Variants in RIN2 observed in about 807,000 individuals in gnomAD.
The protein encoded by RIN2 is RAB5 interacting protein 2.
A neutral mutation model predicts 78.0 loss-of-function variants in RIN2; 36 were observed. The ratio of observed to expected loss-of-function variants is 0.46; its 90% CI spans 0.35 to 0.61. The LOEUF is 0.61. RIN2 is among the 20% of genes least tolerant of loss of function. The pLI, the probability that RIN2 is intolerant of heterozygous loss-of-function variation, is 0.00. For synonymous variants in RIN2, 466 were observed against 466.8 expected (o/e 1.00, Z 0.02); for missense variants, 1,087 against 1,159.7 (o/e 0.94, Z 0.91).
intron 3 of RIN2, among the ~76,000 whole-genome samples, chr20:19,907,632 G>A (rs543928615): frequency 1.3e-5 from 2 of 152,366 alleles, no homozygotes; most frequent in African/African-American, 4.8e-5. Context: ...GGGTGGAGGT[G>A]GGTCTGGGAA....
At chr20:19,852,539 G>T (rs148174133) in intron 2 of RIN2, among the ~76,000 whole-genome samples, 1 of 152,144 alleles carries the variant, frequency 6.6e-6, no homozygotes, top group African/African-American at 2.4e-5. Flanking sequence ...GATCCTAAAG[G>T]CTTGAATTAT....
chr20:19,779,810 G>A (rs2034437001), intron 1 of RIN2, among the ~76,000 whole-genome samples: 1 of 152,184 alleles, frequency 6.6e-6, no homozygotes, highest in East Asian at 1.9e-4. Flanking sequence ...GAGTTAGTGC[G>A]ATGGATGTGG....
At chr20:19,962,794 T>A (rs1351990651) in intron 6 of RIN2, among the ~76,000 whole-genome samples, 3 of 152,162 alleles carry the variant, frequency 2.0e-5, no homozygotes, top group Non-Finnish European at 4.4e-5. Flanking sequence ...CCGTCTCTAC[T>A]GAAAACACAA....
chr20:19,849,962 T>C (rs2036909365), intron 2 of RIN2, among the ~76,000 whole-genome samples: 1 of 152,150 alleles, frequency 6.6e-6, no homozygotes, highest in African/African-American at 2.4e-5. Flanking sequence ...AACAAGTTCC[T>C]TTCTCCTGAA....
chr20:19,957,398 C>A (rs115886344), intron 5 of RIN2, among the ~76,000 whole-genome samples: 8 of 152,190 alleles, frequency 5.3e-5, no homozygotes, highest in Admixed American at 6.5e-5. Flanking sequence ...TGACTGGAGC[C>A]GGGCACGGTG....
At chr20:19,913,606 T>C (rs2039566065) in intron 3 of RIN2, among the ~76,000 whole-genome samples, 1 of 152,226 alleles carries the variant, frequency 6.6e-6, no homozygotes, top group African/African-American at 2.4e-5. Context: ...CCTCAACCCC[T>C]GGTAACTACC....
intron 1 of RIN2, among the ~76,000 whole-genome samples, chr20:19,783,188 A>T (rs1007665121): frequency 6.6e-5 from 10 of 152,236 alleles, no homozygotes; most frequent in Admixed American, 2.0e-4. Flanking sequence ...TTAGAGTTGT[A>T]ACTGGAAAAA....
chr20:19,981,268 G>A (rs1244014231), intron 9 of RIN2, among the ~76,000 whole-genome samples: 1 of 152,166 alleles, frequency 6.6e-6, no homozygotes, highest in Non-Finnish European at 1.5e-5. Flanking sequence ...GTGGCGGGAA[G>A]GTGACCTCAG....
chr20:19,856,237 C>T (rs1028171430), intron 2 of RIN2, among the ~76,000 whole-genome samples: 1 of 152,098 alleles, frequency 6.6e-6, no homozygotes, highest in African/African-American at 2.4e-5. Context: ...TGACGACATT[C>T]TGTGTCTAAA....
At chr20:19,916,338 G>T (rs572778470) in intron 3 of RIN2, among the ~76,000 whole-genome samples, 1 of 152,246 alleles carries the variant, frequency 6.6e-6, no homozygotes, top group Non-Finnish European at 1.5e-5. Flanking sequence ...GAGTTTGGGG[G>T]CTGGGTGTAG....
At chr20:19,924,167 A>C (rs1009652700) in intron 3 of RIN2, among the ~76,000 whole-genome samples, 16 of 38,266 alleles carry the variant, frequency 4.2e-4, no homozygotes, top group East Asian at 9.2e-4. Flanking sequence ...TTATACCCCC[A>C]CCTTCATACC....
intron 2 of RIN2, among the ~76,000 whole-genome samples, chr20:19,849,973 C>A (rs2036909708): frequency 6.6e-6 from 1 of 152,092 alleles, no homozygotes; most frequent in Non-Finnish European, 1.5e-5. Flanking sequence ...TTCTCCTGAA[C>A]CTCCTCCTAT....
intron 4 of RIN2, chr20:19,935,657 C>T (rs553400172): frequency 1.2e-4 from 118 of 977,818 alleles, no homozygotes; most frequent in African/African-American, 9.1e-4. Context: ...CCTGAAAAGC[C>T]GTGCAGTGAT....
intron 3 of RIN2, among the ~76,000 whole-genome samples, chr20:19,906,092 G>A (rs973839008): frequency 2.0e-5 from 3 of 152,164 alleles, no homozygotes; most frequent in African/African-American, 7.2e-5. Flanking sequence ...TGATCTCCCA[G>A]GGCAGGTTCC....
At chr20:19,934,646 A>G in intron 3 of RIN2, 2 of 950,188 alleles carry the variant, frequency 2.1e-6, no homozygotes, top group Non-Finnish European at 2.5e-6. Flanking sequence ...TCTTTTAAAT[A>G]AACTCATTTC....
intron 3 of RIN2, among the ~76,000 whole-genome samples, chr20:19,921,216 G>A (rs943579555): frequency 6.6e-6 from 1 of 152,146 alleles, no homozygotes; most frequent in Non-Finnish European, 1.5e-5. Context: ...GAAAGCAAAC[G>A]TTTTACACTC....
intron 10 of RIN2, among the ~76,000 whole-genome samples, chr20:19,990,631 A>G (rs1387211128): frequency 6.6e-6 from 1 of 151,898 alleles, no homozygotes. Flanking sequence ...AAATTAACTG[A>G]GGGACTTTGG....
chr20:19,783,328 C>G (rs940553862), intron 1 of RIN2, among the ~76,000 whole-genome samples: 2 of 152,232 alleles, frequency 1.3e-5, no homozygotes, highest in African/African-American at 4.8e-5. Context: ...CTGTAGATGG[C>G]CTTCCCCATC....
chr20:19,838,410 C>T (rs1469778112), intron 2 of RIN2, among the ~76,000 whole-genome samples: 1 of 152,202 alleles, frequency 6.6e-6, no homozygotes, highest in Non-Finnish European at 1.5e-5. Context: ...ATTCAAGGTT[C>T]ATCCATGTTG....
Sources: gnomAD v4.1 joint callset for allele counts (sites outside exome capture counted in the v4.1 genomes callset) on GRCh38, gnomAD v4.1.1 for gene constraint, MANE v1.5 for transcripts, NCBI Gene and HGNC (gene_info 2026-07-23, HGNC 2026-07-21) for gene names.